Variants in VRTN observed in about 807,000 individuals in gnomAD.
VRTN encodes vertnin.
In VRTN, 5 loss-of-function variants were observed where a neutral mutation model predicts 18.2. The ratio of observed to expected loss-of-function variants is 0.27; its 90% CI spans 0.14 to 0.58. VRTN has a LOEUF of 0.58. Among genes scored for constraint, VRTN ranks in the 20% least tolerant of loss-of-function variants. The probability of loss-of-function intolerance (pLI) is 0.91; values close to 1 mark genes in which losing one functional copy is unlikely to be tolerated. For missense variants in VRTN, 741 were observed against 939.4 expected (o/e 0.79, Z 2.76); for synonymous variants, 381 against 393.7 (o/e 0.97, Z 0.38).
At position 74,358,864 on chromosome 14, in the gene VRTN, A is replaced by G. The variant is rs758336633; in HGVS notation, c.2081A>G (p.Tyr694Cys). Residue 694 changes from tyrosine to cysteine, a missense_variant, in exon 2 of 2, where the codon TAT (tyrosine) becomes TGT (cysteine). Around this residue, in one of 3 missense-constraint regions of VRTN, gnomAD observed 61 missense variants for 104.6 expected, o/e 0.58. Coordinates refer to ENST00000256362, the MANE Select transcript of VRTN (RefSeq NM_018228.3). This position sits in a 1 kb window ranked among gnomAD's most constrained non-coding sequence, Gnocchi z 5.4. ...TACTACATGTGGAAGCGAGCCCTCT[A>G]TGACGGCCTGACCCTGGTAGATGGC... ...STYYMWKRAL[Y>C]DGLTLVDG 82 of 1,612,972 alleles carry G rather than the reference A, an allele frequency of 5.1e-5. No homozygotes were observed. The highest frequency in any genetic ancestry group is 6.0e-5 in the Non-Finnish European group (71 of 1,179,310).
At chr14:74,307,665 C>T (rs2085362437) in intron 1 of VRTN, among the ~76,000 whole-genome samples, 1 of 151,894 alleles carries the variant, frequency 6.6e-6, no homozygotes, top group Non-Finnish European at 1.5e-5. Flanking sequence ...AGCAAAAGGC[C>T]ATATATCATA....
chr14:74,347,630 G>T (rs887429420), upstream of VRTN, among the ~76,000 whole-genome samples: 14 of 152,214 alleles, frequency 9.2e-5, no homozygotes, highest in African/African-American at 3.1e-4. Flanking sequence ...AAGCCCCTTG[G>T]GGGGAAGCTG....
rs776042484 is a variant in VRTN, at chr14:74,357,916, C to T, written c.1133C>T (p.Pro378Leu). ...VLGMEELEKLPEEQVAEEELE... is the reference protein window; with the variant it reads ...VLGMEELEKLLEEQVAEEELE... Reference sequence around the variant, plus strand: ...GGCATGGAGGAGCTAGAGAAGCTGCCGGAGGAGCAGGTGGCTGAGGAGGAG... The same window carrying T: ...GGCATGGAGGAGCTAGAGAAGCTGCTGGAGGAGCAGGTGGCTGAGGAGGAG... Residue 378 changes from proline to leucine, a missense_variant, in exon 2 of 2, where the codon CCG becomes CTG. Around this residue, in one of 3 missense-constraint regions of VRTN, gnomAD observed 494 missense variants for 546.5 expected, o/e 0.90. Coordinates refer to ENST00000256362, the MANE Select transcript of VRTN (RefSeq NM_018228.3). This position sits in a 1 kb window ranked among gnomAD's most constrained non-coding sequence, Gnocchi z 7.8. 23 of 1,614,012 alleles carry T rather than the reference C, an allele frequency of 1.4e-5. No individual in the cohort carries two copies. In the African/African-American group the frequency reaches 1.6e-4, roughly 11 times the overall value.
chr14:74,303,529 C>A (rs1193910283), intron 1 of VRTN, among the ~76,000 whole-genome samples: 1 of 152,000 alleles, frequency 6.6e-6, no homozygotes, highest in Non-Finnish European at 1.5e-5. Context: ...CCAGCCTGGG[C>A]GACAAAGAGA....
chr14:74,331,542 TTTTATATATA>T lies in VRTN; in HGVS notation c.-163-6179_-163-6170del, dbSNP rs1441928807. Among the ~76,000 whole-genome samples, 177 of 64,914 alleles carry T rather than the reference TTTTATATATA, an allele frequency of 2.7e-3. 3 individuals are homozygous for T. The highest frequency in any genetic ancestry group is 6.3e-3 in the African/African-American group (129 of 20,598). The allele number at this position is 64,914 out of a possible 152,430, so 42.6% of individuals were successfully genotyped here. ...AAAACTCCATCTCAAAAAAAAAAAATTTTATATATATATATATATATATATATATATATAT... is the reference window on the plus strand; with the variant it reads ...AAAACTCCATCTCAAAAAAAAAAAATTATATATATATATATATATATATAT... On this transcript the variant is annotated intron_variant, in intron 1 of 2. Coordinates refer to the VRTN transcript ENST00000557177.
chr14:74,347,436 T>C (rs2085650708), upstream of VRTN, among the ~76,000 whole-genome samples: 1 of 152,172 alleles, frequency 6.6e-6, no homozygotes, highest in Admixed American at 6.5e-5. Context: ...ATTTTTGCTT[T>C]TGGTGATAAC....
chr14:74,343,781 A>G (rs1452093598), upstream of VRTN, among the ~76,000 whole-genome samples: 1 of 152,108 alleles, frequency 6.6e-6, no homozygotes, highest in Non-Finnish European at 1.5e-5. Flanking sequence ...CAAAAAAGGA[A>G]TGTAAAACAT....
intron 1 of VRTN, among the ~76,000 whole-genome samples, chr14:74,325,587 C>A (rs913076719): frequency 6.6e-6 from 1 of 152,110 alleles, no homozygotes; most frequent in Non-Finnish European, 1.5e-5. Flanking sequence ...GCAGGAGGAT[C>A]TCTTGAGCCC....
chr14:74,347,826 CT>C (rs1393361592), upstream of VRTN, among the ~76,000 whole-genome samples: 2 of 152,218 alleles, frequency 1.3e-5, no homozygotes, highest in Non-Finnish European at 2.9e-5. Context: ...GATAGGCCCC[CT>C]GGCTCCTAAC....
At chr14:74,342,384 A>G (rs144905412) in intron 2 of VRTN, among the ~76,000 whole-genome samples, 133 of 152,276 alleles carry the variant, frequency 8.7e-4, no homozygotes, top group African/African-American at 3.0e-3. Context: ...TATATCCTAC[A>G]TTTATTTCTG....
intron 1 of VRTN, among the ~76,000 whole-genome samples, chr14:74,325,223 G>A (rs142429504): frequency 2.0e-5 from 3 of 152,240 alleles, no homozygotes; most frequent in African/African-American, 7.2e-5. Context: ...GACAGCTCCT[G>A]TGGGCCATCT....
At chr14:74,338,029 T>C (rs959569533) in intron 2 of VRTN, 1 of 152,154 alleles carries the variant, frequency 6.6e-6, no homozygotes, top group Non-Finnish European at 1.5e-5. Context: ...TAAAATGAAC[T>C]CCTGATCCAA....
intron 1 of VRTN, among the ~76,000 whole-genome samples, chr14:74,318,148 A>G (rs2085429446): frequency 1.3e-5 from 2 of 152,184 alleles, no homozygotes; most frequent in African/African-American, 2.4e-5. Context: ...AGACAATAGT[A>G]CTAAGGTTGA....
At chr14:74,348,809 GTGTA>G (rs1304213211) in intron 1 of VRTN, among the ~76,000 whole-genome samples, 157 bp downstream of exon 1, 2 of 152,252 alleles carry the variant, frequency 1.3e-5, no homozygotes, top group Non-Finnish European at 2.9e-5. Flanking sequence ...GTGTCTGGGA[GTGTA>G]TGTAGAGGGA....
rs779576438 is a variant in VRTN, at chr14:74,357,773, G to A, written c.990G>A (p.Val330=). 2 of 1,613,018 alleles carry A rather than the reference G, an allele frequency of 1.2e-6. No individual in the cohort carries two copies. The highest frequency in any genetic ancestry group is 1.7e-6 in the Non-Finnish European group (2 of 1,180,048). Residue 330 remains valine, a synonymous_variant, in exon 2 of 2, where the codon GTG becomes GTA. Transcript: ENST00000256362. The surrounding 1 kb of genome is among the most constrained non-coding windows in gnomAD (Gnocchi z 7.8). ...ACAGCTTCCACCGGGGGGGCGTCGT[G>A]CCACTTCAGCAGTTCCTCCAGCGGT... is the stretch of plus-strand genomic sequence containing the variant. The part of the protein sequence containing the change: ...LQDSFHRGGV[V]PLQQFLQRFP...
rs118068417 is a variant in VRTN, at chr14:74,308,349, C to T, written c.-164+5173C>T. ...TTTAGTTTATAGGTTCCTCTTCTAC[C>T]CCTTTAGACCAGCTACTATTATCTC... On this transcript the variant is annotated intron_variant, in intron 1 of 2. Coordinates refer to the VRTN transcript ENST00000557177. Among the ~76,000 whole-genome samples, 349 of 152,272 alleles carry T rather than the reference C, an allele frequency of 2.3e-3. 21 individuals are homozygous for T. In the East Asian group the frequency reaches 0.061, roughly 27 times the overall value.
intron 1 of VRTN, among the ~76,000 whole-genome samples, chr14:74,330,978 T>C (rs1462803849): frequency 6.7e-6 from 1 of 150,012 alleles, no homozygotes; most frequent in Non-Finnish European, 1.5e-5. Context: ...GGTGGGTGGA[T>C]CACGAGGTCA....
intron 1 of VRTN, among the ~76,000 whole-genome samples, chr14:74,328,569 C>G (rs1422182207): frequency 6.6e-6 from 1 of 152,144 alleles, no homozygotes; most frequent in African/African-American, 2.4e-5. Flanking sequence ...AGGAAAAAGT[C>G]AATGTTCAGT....
At chr14:74,332,350 T>TTTTTG (rs2085532763) in intron 1 of VRTN, among the ~76,000 whole-genome samples, 1 of 44,660 alleles carries the variant, frequency 2.2e-5, no homozygotes, top group Non-Finnish European at 4.1e-5. Context: ...TTTTTTTTTT[T>TTTTTG]TTTTTTTTTT....
Sources: allele counts gnomAD v4.1 joint callset (sites outside exome capture counted in the v4.1 genomes callset), GRCh38; gene constraint gnomAD v4.1.1; regional missense constraint gnomAD v4.1.1; non-coding constraint Gnocchi (gnomAD v3.1); transcripts MANE v1.5; gene names NCBI Gene and HGNC (gene_info 2026-07-23, HGNC 2026-07-21).